GPR137C: variants seen among roughly 807,000 people sequenced by gnomAD.
GPR137C encodes the protein integral membrane protein GPR137C.
In GPR137C, 27 loss-of-function variants were observed where a neutral mutation model predicts 43.4. The observed-to-expected ratio is 0.62, with a 90% CI of 0.46 to 0.86. GPR137C has a LOEUF of 0.86. GPR137C is among the 40% of genes least tolerant of loss of function. The probability of loss-of-function intolerance (pLI) is 0.00; values close to 1 mark genes in which losing one functional copy is unlikely to be tolerated. For missense variants in GPR137C, 522 were observed against 534.6 expected, an observed-to-expected ratio of 0.98 and a Z score of 0.23; for synonymous variants, 285 against 226.9, an observed-to-expected ratio of 1.26 and a Z score of -2.30.
rs945799534 is a variant in GPR137C at position 52,635,365 on chromosome 14, C to T, written c.*250C>T. The T allele has an allele frequency of 2.8e-5, 9 of 326,078 alleles. No individual in the cohort carries two copies. The highest frequency in any genetic ancestry group is 2.0e-4 in the African/African-American group (9 of 45,968). The allele number at this position is 326,078 out of a possible 1,614,324, so 20.2% of individuals were successfully genotyped here. A position where few individuals can be genotyped will look rare whatever the true frequency, so the allele number is the denominator to read the frequency against. On this transcript the variant is annotated 3_prime_UTR_variant, in exon 7 of 7. Transcript: ENST00000321662. ...AAGGCACTTGATGGCCTCCAAAAAT[C>T]CTGACTTTGGAACATCAAATGCATA... is the stretch of plus-strand genomic sequence containing the variant.
chr14:52,552,870 T>C lies in GPR137C; in HGVS notation c.-278T>C, dbSNP rs1215680757. 6.6e-6 allele frequency among the ~76,000 whole-genome samples: 1 copy of C among 151,808 alleles called. No homozygotes were observed. Among genetic ancestry groups the C allele is most frequent in the Non-Finnish European group, 1.5e-5 (1 of 67,938 alleles). ...CGAGCGCCTCAAATGCTCGGGTTTC[T>C]CAGCTGATTGTCTCCAGCCGAGAGT... On this transcript the variant is annotated 5_prime_UTR_variant, in exon 1 of 7. Transcript: ENST00000321662.
chr14:52,553,501 C>T lies in GPR137C; in HGVS notation c.354C>T (p.His118=), dbSNP rs2038128391. Residue 118 remains histidine (H), a synonymous_variant, in exon 1 of 7, where the codon CAC becomes CAT. Transcript: ENST00000321662. The stretch of plus-strand genomic sequence containing the variant: ...TGCCCTTGCTCCGGCCGCCCGCTCA[C>T]CTGCACTTCTTCCCCCACTGGCTGC... ...GSLPLLRPPA[H]LHFFPHWLLY... 3.7e-6 allele frequency: 6 copies of T among 1,609,168 alleles called. No homozygotes were observed. In the East Asian group the frequency reaches 6.7e-5, roughly 18 times the overall value.
At chr14:52,566,451 G>A (rs1594781633) in intron 1 of GPR137C, among the ~76,000 whole-genome samples, 1 of 152,118 alleles carries the variant, frequency 6.6e-6, no homozygotes, top group East Asian at 1.9e-4. Context: ...TTGGTCAGGA[G>A]CCCCTTGTAT....
intron 1 of GPR137C, among the ~76,000 whole-genome samples, chr14:52,595,897 A>G (rs1387578604): frequency 1.3e-5 from 2 of 152,172 alleles, no homozygotes; most frequent in Non-Finnish European, 2.9e-5. Context: ...GAGAAGAGGC[A>G]GTCTGGTTTT....
intron 3 of GPR137C, among the ~76,000 whole-genome samples, chr14:52,616,091 T>A (rs2139559873): frequency 6.6e-6 from 1 of 152,342 alleles, no homozygotes; most frequent in African/African-American, 2.4e-5. Flanking sequence ...TTGGCACCTT[T>A]CTATAATCTT....
chr14:52,564,643 A>G (rs112302122), intron 1 of GPR137C, among the ~76,000 whole-genome samples: 134 of 152,228 alleles, frequency 8.8e-4, no homozygotes, highest in African/African-American at 3.0e-3. Context: ...GCTCTTCTTC[A>G]TATCATTTGC....
intron 1 of GPR137C, among the ~76,000 whole-genome samples, chr14:52,585,553 G>T (rs2038702611): frequency 6.6e-6 from 1 of 152,186 alleles, no homozygotes; most frequent in Non-Finnish European, 1.5e-5. Flanking sequence ...CAAGACCAAG[G>T]CCAGGTATGG....
intron 1 of GPR137C, among the ~76,000 whole-genome samples, chr14:52,576,767 C>T (rs1594786515): frequency 6.6e-6 from 1 of 152,194 alleles, no homozygotes; most frequent in East Asian, 1.9e-4. Context: ...GGAACATTCT[C>T]AAAAATTGAC....
intron 1 of GPR137C, among the ~76,000 whole-genome samples, chr14:52,556,588 A>G (rs892784984): frequency 2.0e-5 from 3 of 152,070 alleles, no homozygotes; most frequent in Admixed American, 6.5e-5. Context: ...TGGCAGGATC[A>G]GTAGGACAAG....
chr14:52,611,809 G>A (rs2039041838), intron 3 of GPR137C: 1 of 502,126 alleles, frequency 2.0e-6, no homozygotes, highest in South Asian at 8.6e-5. Flanking sequence ...TGAAGATAAA[G>A]TATAGTAATC....
intron 1 of GPR137C, among the ~76,000 whole-genome samples, chr14:52,585,034 T>C (rs1373063524): frequency 6.6e-6 from 1 of 152,216 alleles, no homozygotes; most frequent in East Asian, 1.9e-4. Context: ...TCTATTCATG[T>C]GTTCCAAATG....
At chr14:52,576,068 C>G (rs574751425) in intron 1 of GPR137C, among the ~76,000 whole-genome samples, 1 of 152,212 alleles carries the variant, frequency 6.6e-6, no homozygotes, top group Admixed American at 6.5e-5. Flanking sequence ...CAAACTGATA[C>G]TATGTGGCCC....
intron 4 of GPR137C, among the ~76,000 whole-genome samples, chr14:52,632,955 C>A (rs76612442): frequency 6.6e-6 from 1 of 151,918 alleles, no homozygotes; most frequent in East Asian, 1.9e-4. Flanking sequence ...TTAAGGGTTC[C>A]GGGAATACTA....
At chr14:52,562,446 C>T (rs995906341) in intron 1 of GPR137C, among the ~76,000 whole-genome samples, 16 of 152,158 alleles carry the variant, frequency 1.1e-4, no homozygotes, top group African/African-American at 3.4e-4. Flanking sequence ...CTAAAACAAG[C>T]CAGAATTCAG....
At chr14:52,599,675 C>G (rs2038900816) in intron 2 of GPR137C, among the ~76,000 whole-genome samples, 1 of 152,178 alleles carries the variant, frequency 6.6e-6, no homozygotes, top group African/African-American at 2.4e-5. Flanking sequence ...CTCAAGTGAT[C>G]TGCCTGCCTC....
chr14:52,603,875 T>G (rs1481771595), intron 3 of GPR137C, among the ~76,000 whole-genome samples: 1 of 152,122 alleles, frequency 6.6e-6, no homozygotes, highest in Non-Finnish European at 1.5e-5. Flanking sequence ...CTACTTTACA[T>G]TCCCATCAAC....
intron 1 of GPR137C, among the ~76,000 whole-genome samples, chr14:52,577,889 T>TG: frequency 6.6e-6 from 1 of 151,684 alleles, no homozygotes; most frequent in South Asian, 2.1e-4. Context: ...CGCTTGAGCC[T>TG]GGGAGGCAGA....
intron 3 of GPR137C, among the ~76,000 whole-genome samples, chr14:52,605,680 T>C (rs2038976206): frequency 6.6e-6 from 1 of 152,210 alleles, no homozygotes; most frequent in South Asian, 2.1e-4. Context: ...ATTAGTTGTG[T>C]GTTTGTCATA....
chr14:52,555,799 T>G (rs2038183632), intron 1 of GPR137C, among the ~76,000 whole-genome samples: 1 of 152,196 alleles, frequency 6.6e-6, no homozygotes, highest in Non-Finnish European at 1.5e-5. Context: ...ATAATGAAAT[T>G]AACAATTTTA....
Sources: gnomAD v4.1 joint callset for allele counts (sites outside exome capture counted in the v4.1 genomes callset) on GRCh38, gnomAD v4.1.1 for gene constraint, MANE v1.5 for transcripts, NCBI Gene and HGNC (gene_info 2026-07-23, HGNC 2026-07-21) for gene names.